The following COL24A1 variants were observed in gnomAD, a reference collection of about 807,000 sequenced individuals.
COL24A1 encodes the protein collagen alpha-1(XXIV) chain.
In COL24A1, 224 loss-of-function variants were observed where a neutral mutation model predicts 253.9. That is an observed-to-expected ratio of 0.88 (90% CI 0.79 to 0.99). The LOEUF (loss-of-function observed/expected upper bound fraction) is 0.99. COL24A1 is among the 50% of genes least tolerant of loss of function. COL24A1 has a pLI of 0.00. For synonymous variants in COL24A1, 685 were observed against 673.7 expected, an observed-to-expected ratio of 1.02 and a Z score of -0.26; for missense variants, 2,131 against 2,068.5, an observed-to-expected ratio of 1.03 and a Z score of -0.59.
chr1:85,916,254 A>G (rs1022493684), intron 24 of COL24A1, among the ~76,000 whole-genome samples: 8 of 152,148 alleles, frequency 5.3e-5, no homozygotes, highest in Non-Finnish European at 1.2e-4. Context: ...TCTCTTATAC[A>G]TGGCCCATTT....
In COL24A1 at chr1:85,817,024, T is replaced by C. The variant is rs556486664; in HGVS notation, c.3844-129A>G. 36 of 651,328 alleles carry C rather than the reference T, an allele frequency of 5.5e-5. No homozygotes were observed. The South Asian group carries it at 7.2e-4, about 13-fold the overall frequency. The allele number at this position is 651,328 out of a possible 1,614,324, so 40.3% of individuals were successfully genotyped here. ...TTGTTCTAGGACAAATTTTCCTGTT[T>C]CCTGGATTCCTTAATGATTTACTAT... is the stretch of plus-strand genomic sequence containing the variant. On this transcript the variant is annotated intron_variant, in intron 46 of 59. Transcript: ENST00000370571.
rs1185682255 is a variant in COL24A1, at chr1:85,814,974, C to T, written c.3951+1814G>A. 1.3e-5 allele frequency among the ~76,000 whole-genome samples: 2 copies of T among 152,104 alleles called. 1 individual carries two copies. ...GGTCCTATTAATAAGTTAATTACTA[C>T]TAATATATTATTAAATAAATTCATT... On this transcript the variant is annotated intron_variant, in intron 47 of 59. Coordinates refer to ENST00000370571, the MANE Select transcript of COL24A1 (RefSeq NM_152890.7).
intron 1 of COL24A1, among the ~76,000 whole-genome samples, chr1:86,148,366 T>C (rs1035831423): frequency 2.6e-5 from 4 of 151,928 alleles, no homozygotes; most frequent in Non-Finnish European, 5.9e-5. Flanking sequence ...TTTTTTATTA[T>C]ACTTTAAGTT....
intron 28 of COL24A1, among the ~76,000 whole-genome samples, chr1:85,904,766 G>T (rs1365777681): frequency 6.6e-6 from 1 of 152,080 alleles, no homozygotes; most frequent in African/African-American, 2.4e-5. Context: ...ATTATTATTT[G>T]TTTGGGGTTT....
intron 33 of COL24A1, among the ~76,000 whole-genome samples, chr1:85,875,554 AATCCTTTCTCTC>A (rs1321684618): frequency 2.0e-5 from 3 of 152,088 alleles, no homozygotes; most frequent in Admixed American, 2.0e-4. Context: ...CATTTCTTCT[AATCCTTTCTCTC>A]ATCCTTTAAA....
chr1:85,865,634 A>G (rs1679706588), intron 37 of COL24A1, among the ~76,000 whole-genome samples: 1 of 152,040 alleles, frequency 6.6e-6, no homozygotes, highest in Non-Finnish European at 1.5e-5. Flanking sequence ...ATATGTTTAG[A>G]CTTTCCCTTT....
At chr1:85,975,911 C>T (rs72954600) in intron 20 of COL24A1, among the ~76,000 whole-genome samples, 1,729 of 152,176 alleles carry the variant, frequency 0.011, 28 homozygotes, top group African/African-American at 0.039. Context: ...ACTGATTTAG[C>T]GTGAAACATA....
At chr1:86,090,763 A>G (rs1703437152) in intron 6 of COL24A1, among the ~76,000 whole-genome samples, 1 of 152,138 alleles carries the variant, frequency 6.6e-6, no homozygotes, top group Admixed American at 6.5e-5. Flanking sequence ...CTAAAGCTCT[A>G]TGGCAATATA....
At chr1:85,874,219 TC>T (rs1225992690) in intron 35 of COL24A1, among the ~76,000 whole-genome samples, 1 of 152,222 alleles carries the variant, frequency 6.6e-6, no homozygotes, top group Non-Finnish European at 1.5e-5. Flanking sequence ...TACAATTATG[TC>T]CTTGCATCTT....
intron 12 of COL24A1, among the ~76,000 whole-genome samples, chr1:86,035,052 T>C (rs1215757584): frequency 6.6e-6 from 1 of 152,118 alleles, no homozygotes; most frequent in Admixed American, 6.6e-5. Context: ...AGAGCAAATA[T>C]GAATAGGTTA....
chr1:86,038,874 G>GA (rs1699236664), intron 12 of COL24A1, among the ~76,000 whole-genome samples: 1 of 152,126 alleles, frequency 6.6e-6, no homozygotes, highest in South Asian at 2.1e-4. Context: ...CAAGCCTTCA[G>GA]ATGACAGTAG....
chr1:85,808,482 G>A (rs1326250745), intron 47 of COL24A1, among the ~76,000 whole-genome samples: 3 of 152,190 alleles, frequency 2.0e-5, no homozygotes, highest in Non-Finnish European at 4.4e-5. Context: ...ATAATTGGAA[G>A]CAGTTTTCTT....
At chr1:86,045,543 TA>T (rs1177184818) in intron 12 of COL24A1, among the ~76,000 whole-genome samples, 1 of 151,992 alleles carries the variant, frequency 6.6e-6, no homozygotes, top group Admixed American at 6.6e-5. Context: ...GGGATATGTG[TA>T]TGAGAGCTAA....
chr1:85,859,547 T>TC (rs1218684069), intron 37 of COL24A1, among the ~76,000 whole-genome samples: 2 of 152,090 alleles, frequency 1.3e-5, no homozygotes, highest in Non-Finnish European at 2.9e-5. Context: ...ATCAGAAAGG[T>TC]CCCCCCTGGT....
intron 18 of COL24A1, among the ~76,000 whole-genome samples, chr1:86,020,171 G>GT (rs11410507): frequency 0.2 from 29,567 of 146,148 alleles, 3,153 homozygotes; most frequent in Middle Eastern, 0.31. Flanking sequence ...GGATTCAAGC[G>GT]ATTCTCCTGC....
At chr1:86,117,815 A>G (rs1329517624) in intron 3 of COL24A1, among the ~76,000 whole-genome samples, 2 of 152,236 alleles carry the variant, frequency 1.3e-5, no homozygotes, top group African/African-American at 4.8e-5. Context: ...AGAAAGTACA[A>G]TTCCATTTAA....
At position 86,125,743 on chromosome 1, in the gene COL24A1, T is replaced by A. The variant is rs768860168; in HGVS notation, c.593A>T (p.Asp198Val). The A allele has an allele frequency of 2.5e-6, 4 of 1,611,200 alleles. No homozygotes were observed. The South Asian group carries it at 4.4e-5, about 18-fold the overall frequency. ...TCCTAAAGTAAACACACTATTAGAA[T>A]CAAAGGTCTGAACTTCTGGAATAGT... ...TETIPEVQTF[D>V]SNSVFTLGSM... is the part of the protein sequence containing the mutation. The change falls in exon 3 of 60, where the codon GAT becomes GTT. Residue 198 changes from aspartate to valine, a missense_variant. Physicochemically the swap from Asp to Val is radical, Grantham distance 152. Coordinates refer to ENST00000370571, the MANE Select transcript of COL24A1 (RefSeq NM_152890.7).
chr1:85,747,914 T>C (rs546560478), intron 55 of COL24A1, among the ~76,000 whole-genome samples: 2 of 152,338 alleles, frequency 1.3e-5, no homozygotes, highest in African/African-American at 4.8e-5. Flanking sequence ...CATGATTTTA[T>C]TAACATAATA....
At chr1:85,938,238 A>G (rs1174161717) in intron 24 of COL24A1, among the ~76,000 whole-genome samples, 2 of 147,222 alleles carry the variant, frequency 1.4e-5, no homozygotes, top group African/African-American at 2.5e-5. Flanking sequence ...TCCACTTACT[A>G]TCACTCTCAA....
Sources: gnomAD v4.1 joint callset for allele counts (sites outside exome capture counted in the v4.1 genomes callset) on GRCh38, gnomAD v4.1.1 for gene constraint, MANE v1.5 for transcripts, NCBI Gene and HGNC (gene_info 2026-07-23, HGNC 2026-07-21) for gene names.